Variants in GREM2 observed in about 807,000 individuals in gnomAD.
GREM2 encodes gremlin-2.
Under a neutral mutation model 14.2 loss-of-function variants are expected in GREM2, and 11 were observed. The ratio of observed to expected loss-of-function variants is 0.78; its 90% CI spans 0.49 to 1.28. The LOEUF (loss-of-function observed/expected upper bound fraction) is 1.28, where lower values mean the gene tolerates loss of function less well. Among genes scored for constraint, GREM2 ranks in the 50% most tolerant of loss-of-function variants. The pLI is 0.00. For synonymous variants in GREM2, 98 were observed against 97.6 expected (o/e 1.00, Z -0.02); for missense variants, 210 against 218.5 (o/e 0.96, Z 0.24).
In GREM2 at chr1:240,547,514, AATATAT is replaced by A. The variant is rs71170756; in HGVS notation, c.-1-54044_-1-54039del. 2.0e-3 allele frequency among the ~76,000 whole-genome samples: 201 copies of A among 102,656 alleles called. 3 individuals are homozygous for A. The highest frequency in any genetic ancestry group is 6.5e-3 in the Admixed American group (56 of 8,640). 67.3% of individuals were successfully genotyped at this position (102,656 alleles called of 152,430 possible). A position where few individuals can be genotyped will look rare whatever the true frequency, so the allele number is the denominator to read the frequency against. ...GACTCCATCTCAAAAAAAAAAAAAAAATATATATATATATATATATAGATAGATAGA... is the reference window on the plus strand; with the variant it reads ...GACTCCATCTCAAAAAAAAAAAAAAAATATATATATATATAGATAGATAGA... On this transcript the variant is annotated intron_variant, in intron 1 of 1. Coordinates refer to ENST00000318160, the MANE Select transcript of GREM2 (RefSeq NM_022469.4).
At chr1:240,570,656 G>A (rs764978225) in intron 1 of GREM2, among the ~76,000 whole-genome samples, 7 of 152,064 alleles carry the variant, frequency 4.6e-5, no homozygotes, top group East Asian at 3.9e-4. Context: ...TTACACAGGC[G>A]GTCTTTAAAG....
chr1:240,539,374 A>G (rs985433312), intron 1 of GREM2, among the ~76,000 whole-genome samples: 1 of 152,176 alleles, frequency 6.6e-6, no homozygotes, highest in Admixed American at 6.5e-5. Context: ...TGAGTGACCC[A>G]TCTAAAATTA....
chr1:240,580,583 T>A (rs1679464929), intron 1 of GREM2, among the ~76,000 whole-genome samples: 1 of 152,168 alleles, frequency 6.6e-6, no homozygotes, highest in South Asian at 2.1e-4. Flanking sequence ...AATATATCCT[T>A]CCTTCCTTCC....
intron 1 of GREM2, among the ~76,000 whole-genome samples, chr1:240,562,582 G>A (rs1030841382): frequency 8.5e-5 from 13 of 152,274 alleles, no homozygotes; most frequent in African/African-American, 3.1e-4. Context: ...TTGTGGGAAA[G>A]ACACCAAGAA....
chr1:240,525,990 G>A (rs1201873300), intron 1 of GREM2, among the ~76,000 whole-genome samples: 1 of 152,092 alleles, frequency 6.6e-6, no homozygotes, highest in Non-Finnish European at 1.5e-5. Context: ...CATTTCTCTG[G>A]CCATTCTTTT....
intron 1 of GREM2, among the ~76,000 whole-genome samples, chr1:240,502,022 A>G (rs555409066): frequency 2.6e-5 from 4 of 152,160 alleles, no homozygotes; most frequent in East Asian, 3.9e-4. Context: ...CGAAACACCA[A>G]TCATGCTCTC....
At chr1:240,588,127 C>T (rs1679635980) in intron 1 of GREM2, among the ~76,000 whole-genome samples, 2 of 152,116 alleles carry the variant, frequency 1.3e-5, no homozygotes, top group African/African-American at 4.8e-5. Flanking sequence ...GTTTTTGTTA[C>T]CTCCCAGAAG....
chr1:240,506,967 G>T (rs1677687531), intron 1 of GREM2, among the ~76,000 whole-genome samples: 1 of 152,190 alleles, frequency 6.6e-6, no homozygotes. Context: ...ACACAACAAT[G>T]AAGAAGGGGG....
intron 1 of GREM2, among the ~76,000 whole-genome samples, chr1:240,597,023 A>G (rs1679832054): frequency 6.6e-6 from 1 of 152,228 alleles, no homozygotes; most frequent in Admixed American, 6.5e-5. Context: ...AAATTCAGCC[A>G]GTGCCAGATA....
At chr1:240,588,573 G>A (rs1423631592) in intron 1 of GREM2, 20 of 152,110 alleles carry the variant, frequency 1.3e-4, no homozygotes, top group Admixed American at 1.3e-3. Context: ...TTTTCACATA[G>A]AAAAACTGTA....
intron 1 of GREM2, among the ~76,000 whole-genome samples, chr1:240,519,345 T>TC (rs1558146604): frequency 6.6e-6 from 1 of 152,004 alleles, no homozygotes; most frequent in Non-Finnish European, 1.5e-5. Flanking sequence ...TTCTCTAGTT[T>TC]TTTTTTTTTC....
chr1:240,508,745 C>A lies in GREM2; in HGVS notation c.-1-15269G>T, dbSNP rs190666319. On this transcript the variant is annotated intron_variant, in intron 1 of 1. Transcript: ENST00000318160. ...AAATTCAATAAACGACTTTCTTTTT[C>A]TTTTATAAGTGGATCTCAAACTTCA... 7.8e-4 allele frequency among the ~76,000 whole-genome samples: 118 copies of A among 152,228 alleles called. 1 individual carries two copies. Among genetic ancestry groups the A allele is most frequent in the African/African-American group, 2.7e-3 (111 of 41,550 alleles).
At position 240,581,868 on chromosome 1, in the gene GREM2, T is replaced by G. The variant is rs928588455; in HGVS notation, c.-2+30016A>C. Reference sequence around the variant, plus strand: ...GGTACACAGAATTTGATTTTGGTGGTTCTCCAAAATAAAGTCATACAAGTA... The same window carrying G: ...GGTACACAGAATTTGATTTTGGTGGGTCTCCAAAATAAAGTCATACAAGTA... On this transcript the variant is annotated intron_variant, in intron 1 of 1. Coordinates refer to ENST00000318160, the MANE Select transcript of GREM2 (RefSeq NM_022469.4). 5.9e-5 allele frequency among the ~76,000 whole-genome samples: 9 copies of G among 152,226 alleles called. No homozygotes were observed. In the East Asian group the frequency reaches 1.7e-3, roughly 29 times the overall value.
intron 1 of GREM2, chr1:240,588,530 A>G (rs1679644596): frequency 6.6e-6 from 1 of 152,126 alleles, no homozygotes; most frequent in African/African-American, 2.4e-5. Flanking sequence ...TTAGACATTC[A>G]CAGGAAAGCA....
At chr1:240,556,695 A>G (rs555590189) in intron 1 of GREM2, among the ~76,000 whole-genome samples, 1 of 152,348 alleles carries the variant, frequency 6.6e-6, no homozygotes, top group Non-Finnish European at 1.5e-5. Context: ...TTCAGAGAAT[A>G]AGAAACAGCG....
At chr1:240,527,601 T>C (rs1678252185) in intron 1 of GREM2, among the ~76,000 whole-genome samples, 1 of 152,166 alleles carries the variant, frequency 6.6e-6, no homozygotes, top group African/African-American at 2.4e-5. Flanking sequence ...GGGAGGTACG[T>C]AGGTGAGACA....
intron 1 of GREM2, among the ~76,000 whole-genome samples, chr1:240,591,318 G>A (rs530895562): frequency 1.3e-5 from 2 of 152,272 alleles, no homozygotes; most frequent in South Asian, 4.1e-4. Context: ...CGACTAACAC[G>A]TACAAGGGAC....
intron 1 of GREM2, among the ~76,000 whole-genome samples, chr1:240,570,005 A>T (rs1302139369): frequency 6.6e-6 from 1 of 152,142 alleles, no homozygotes; most frequent in Non-Finnish European, 1.5e-5. Context: ...AGTTACATTG[A>T]TGTCCAATCT....
chr1:240,587,906 C>A (rs1679629921), intron 1 of GREM2, among the ~76,000 whole-genome samples: 2 of 152,096 alleles, frequency 1.3e-5, no homozygotes, highest in Non-Finnish European at 2.9e-5. Flanking sequence ...CTGAACTCTG[C>A]CCTATTCCCT....
Sources: gnomAD v4.1 joint callset for allele counts (sites outside exome capture counted in the v4.1 genomes callset) on GRCh38, gnomAD v4.1.1 for gene constraint, MANE v1.5 for transcripts, NCBI Gene and HGNC (gene_info 2026-07-23, HGNC 2026-07-21) for gene names.